Variants in PTPRK observed in about 807,000 individuals in gnomAD.
PTPRK encodes the protein protein tyrosine phosphatase receptor type K.
A neutral mutation model predicts 178.0 loss-of-function variants in PTPRK; 75 were observed. The observed-to-expected ratio is 0.42, with a 90% confidence interval of 0.35 to 0.51. The LOEUF is 0.51. Among genes scored for constraint, PTPRK ranks in the 20% least tolerant of loss-of-function variants. The pLI is 0.02. For synonymous variants in PTPRK, 637 were observed against 620.6 expected, an observed-to-expected ratio of 1.03 and a Z score of -0.39; for missense variants, 1,441 against 1,797.8, an observed-to-expected ratio of 0.80 and a Z score of 3.59.
chr6:128,412,737 C>T (rs1462232481), intron 1 of PTPRK, among the ~76,000 whole-genome samples: 2 of 152,246 alleles, frequency 1.3e-5, no homozygotes, highest in Non-Finnish European at 2.9e-5. Context: ...ATGCTTCAGA[C>T]ACTCCACGTG....
intron 13 of PTPRK, among the ~76,000 whole-genome samples, chr6:128,056,256 G>C (rs1222574501): frequency 1.3e-5 from 2 of 151,796 alleles, no homozygotes; most frequent in Admixed American, 6.6e-5. Flanking sequence ...AGGGCCTAAG[G>C]TCAGGTTTTT....
At chr6:128,209,713 C>T (rs1271883849) in intron 6 of PTPRK, among the ~76,000 whole-genome samples, 1 of 152,116 alleles carries the variant, frequency 6.6e-6, no homozygotes, top group Non-Finnish European at 1.5e-5. Flanking sequence ...GTACATCAGT[C>T]TCATGGAGGA....
intron 6 of PTPRK, among the ~76,000 whole-genome samples, chr6:128,186,755 A>G (rs1022513598): frequency 6.6e-6 from 1 of 152,170 alleles, no homozygotes; most frequent in African/African-American, 2.4e-5. Flanking sequence ...AGAGTTTTAA[A>G]AAGTTTTTGT....
chr6:127,998,897 G>T lies in PTPRK; in HGVS notation c.2502C>A (p.Asn834Lys), dbSNP rs138674624. 1.3e-4 allele frequency: 195 copies of T among 1,504,906 alleles called. 1 individual carries two copies. Among genetic ancestry groups the T allele is most frequent in the Admixed American group, 8.9e-5 (4 of 45,170 alleles). 93.2% of individuals were successfully genotyped at this position (1,504,906 alleles called of 1,614,324 possible). A position where few individuals can be genotyped will look rare whatever the true frequency, so the allele number is the denominator to read the frequency against. Reference protein sequence around the residue: ...DQHNFSPRYENHSATAESSRL... With the variant: ...DQHNFSPRYEKHSATAESSRL... ...GACTGGACTCTGCTGTAGCACTGTG[G>T]TTCTCATCTGGCATTTTTCAGATTT... Residue 834 changes from asparagine (N) to lysine (K), a missense_variant, in exon 16 of 30, where the codon AAC becomes AAA. This residue lies in a region of PTPRK where 945 missense variants were observed against 1,080.6 expected (regional missense o/e 0.87). Coordinates refer to ENST00000368226, the MANE Select transcript of PTPRK (RefSeq NM_002844.4).
At chr6:128,400,647 T>C (rs986439919) in intron 1 of PTPRK, among the ~76,000 whole-genome samples, 1 of 152,256 alleles carries the variant, frequency 6.6e-6, no homozygotes, top group African/African-American at 2.4e-5. Context: ...GCGCATAATA[T>C]ATCCTGAACT....
At chr6:128,364,591 T>G (rs1835225399) in intron 2 of PTPRK, among the ~76,000 whole-genome samples, 2 of 152,026 alleles carry the variant, frequency 1.3e-5, no homozygotes, top group South Asian at 4.1e-4. Context: ...TAAGCTTCAT[T>G]AACAGTAATG....
intron 13 of PTPRK, among the ~76,000 whole-genome samples, chr6:128,025,642 C>T (rs934036357): frequency 6.6e-6 from 1 of 152,192 alleles, no homozygotes; most frequent in African/African-American, 2.4e-5. Context: ...GGCCCCAAAG[C>T]AGTATCACTG....
rs1805734168 is a variant in PTPRK at position 128,200,674 on chromosome 6, T to C, written c.869-15949A>G. 2.0e-5 allele frequency among the ~76,000 whole-genome samples: 3 copies of C among 151,360 alleles called. No individual in the cohort carries two copies. In the South Asian group the frequency reaches 6.3e-4, roughly 32 times the overall value. ...TGTATCTGGGAGGCTGAGGCTGTAG[T>C]GAACCAGTCTAGGTGACAGAGAGAG... On this transcript the variant is annotated intron_variant, in intron 6 of 29. Coordinates refer to ENST00000368226, the MANE Select transcript of PTPRK (RefSeq NM_002844.4).
intron 2 of PTPRK, among the ~76,000 whole-genome samples, chr6:128,362,227 A>G (rs139129975): frequency 6.6e-6 from 1 of 152,280 alleles, no homozygotes; most frequent in African/African-American, 2.4e-5. Flanking sequence ...TTACACGGTG[A>G]AAGTGGGAGC....
chr6:128,381,541 G>C (rs1837915474), intron 2 of PTPRK, among the ~76,000 whole-genome samples: 1 of 152,046 alleles, frequency 6.6e-6, no homozygotes, highest in African/African-American at 2.4e-5. Context: ...AGATTAATGA[G>C]ATTACTAACC....
intron 15 of PTPRK, chr6:128,000,324 T>C: frequency 7.7e-7 from 1 of 1,295,892 alleles, no homozygotes; most frequent in South Asian, 1.3e-5. Context: ...ATAAACATTT[T>C]TTCTTCCTGG....
At chr6:128,241,572 A>G (rs768394511) in intron 4 of PTPRK, among the ~76,000 whole-genome samples, 1 of 152,172 alleles carries the variant, frequency 6.6e-6, no homozygotes. Context: ...CGGGCCCTAT[A>G]AAATGCTGCT....
chr6:128,081,638 TTG>T (rs1278608460), intron 10 of PTPRK, among the ~76,000 whole-genome samples: 1 of 152,026 alleles, frequency 6.6e-6, no homozygotes, highest in Non-Finnish European at 1.5e-5. Context: ...CTTTACTACA[TTG>T]TGTGGTTGAC....
chr6:128,079,634 C>A (rs184526173), intron 10 of PTPRK, among the ~76,000 whole-genome samples: 3 of 151,904 alleles, frequency 2.0e-5, no homozygotes, highest in African/African-American at 7.3e-5. Context: ...AGTATATACT[C>A]AATGAAATGT....
In PTPRK at chr6:127,997,003, C is replaced by T. The variant is rs373589075; in HGVS notation, c.2680-15G>A. ...TCAAAAAAGCTCTGGGAAAACAAAA[C>T]GAATAAGCAGACTGAATTTAATTCC... On this transcript the variant is annotated splice_polypyrimidine_tract_variant and intron_variant, in intron 16 of 29. Coordinates refer to ENST00000368226, the MANE Select transcript of PTPRK (RefSeq NM_002844.4). 2.7e-5 allele frequency: 43 copies of T among 1,606,656 alleles called. No individual in the cohort carries two copies. The highest frequency in any genetic ancestry group is 1.7e-4 in the Middle Eastern group (1 of 6,046).
chr6:128,318,768 A>T (rs2128319539), intron 3 of PTPRK, among the ~76,000 whole-genome samples: 1 of 152,322 alleles, frequency 6.6e-6, no homozygotes, highest in South Asian at 2.1e-4. Flanking sequence ...TCCAGAGTGG[A>T]GAAAATTACG....
chr6:128,443,849 G>C (rs142543728), intron 1 of PTPRK, among the ~76,000 whole-genome samples: 3 of 152,034 alleles, frequency 2.0e-5, no homozygotes, highest in East Asian at 1.9e-4. Context: ...TCCTAGACCA[G>C]ATTTTTTTTT....
intron 2 of PTPRK, among the ~76,000 whole-genome samples, chr6:128,357,647 C>T (rs1294428831): frequency 6.6e-6 from 1 of 152,150 alleles, no homozygotes; most frequent in African/African-American, 2.4e-5. Context: ...TCTTTGTAGC[C>T]AGAAGACATC....
rs1158646476 is a variant in PTPRK, at chr6:128,067,739, G to T, written c.1937C>A (p.Ala646Asp). 6.2e-7 allele frequency: 1 copy of T among 1,613,154 alleles called. No homozygotes were observed. The highest frequency in any genetic ancestry group is 1.3e-5 in the African/African-American group (1 of 74,876). The change falls in exon 12 of 30, where the codon GCC (alanine) becomes GAC (aspartate). Residue 646 changes from alanine (A) to aspartate (D), a missense_variant. By Grantham distance (126) the Ala-to-Asp change is moderately radical (BLOSUM62 -2). Transcript: ENST00000368226. ...ELHPHRTKRE[A>D]GAMECYQVPV... ...AACCTGGTAGCATTCCATGGCTCCGGCTTCTCTCTTGGTTCGGTGTGGGTG... is the reference window on the plus strand; with the variant it reads ...AACCTGGTAGCATTCCATGGCTCCGTCTTCTCTCTTGGTTCGGTGTGGGTG...
Sources: gnomAD v4.1 joint callset for allele counts (sites outside exome capture counted in the v4.1 genomes callset) on GRCh38, gnomAD v4.1.1 for gene constraint, gnomAD v4.1.1 regional missense constraint, MANE v1.5 for transcripts, NCBI Gene and HGNC (gene_info 2026-07-23, HGNC 2026-07-21) for gene names.